Variants in PCCA observed in about 807,000 individuals in gnomAD.
The protein encoded by PCCA is propionyl-CoA carboxylase alpha chain, mitochondrial.
PCCA carries 74 observed loss-of-function variants against 101.3 expected under a neutral mutation model. The observed-to-expected ratio is 0.73, with a 90% CI of 0.61 to 0.89. The LOEUF is 0.89. Among genes scored for constraint, PCCA ranks in the 40% least tolerant of loss-of-function variants. The pLI is 0.00. For missense variants in PCCA, 891 were observed against 907.0 expected (o/e 0.98, Z 0.23); for synonymous variants, 294 against 313.6 (o/e 0.94, Z 0.66).
At chr13:100,336,402 A>G (rs113950119) in intron 17 of PCCA, among the ~76,000 whole-genome samples, 236 of 152,334 alleles carry the variant, frequency 1.5e-3, no homozygotes, top group African/African-American at 5.5e-3. Flanking sequence ...TGAAAACTGC[A>G]TCATGCCAAT....
At chr13:100,242,548 A>G (rs1237327118) in intron 8 of PCCA, among the ~76,000 whole-genome samples, 2 of 152,222 alleles carry the variant, frequency 1.3e-5, no homozygotes, top group Non-Finnish European at 2.9e-5. Flanking sequence ...ATTAGACCTT[A>G]TGGATATATA....
rs950626760 is a variant in PCCA at position 100,235,869 on chromosome 13, A to G, written c.628A>G (p.Arg210Gly). Residue 210 changes from arginine to glycine, a missense_variant, in exon 8 of 24, where the codon AGG (arginine) becomes GGG (glycine). Coordinates refer to ENST00000376285, the MANE Select transcript of PCCA (RefSeq NM_000282.4). Reference sequence around the variant, plus strand: ...TGCAGAAGAAGCTGTCAGAATTGCAAGGGAAATTGGTAAGTCCTTAAATTA... The same window carrying G: ...TGCAGAAGAAGCTGTCAGAATTGCAGGGGAAATTGGTAAGTCCTTAAATTA... ...KDAEEAVRIAREIGYPVMIKA... is the reference protein window; with the variant it reads ...KDAEEAVRIAGEIGYPVMIKA... The G allele has an allele frequency of 1.2e-6, 2 of 1,603,558 alleles. No individual in the cohort carries two copies. Among genetic ancestry groups the G allele is most frequent in the Non-Finnish European group, 1.7e-6 (2 of 1,170,402 alleles).
intron 13 of PCCA, among the ~76,000 whole-genome samples, chr13:100,302,245 T>C (rs1032075795): frequency 2.0e-5 from 3 of 152,200 alleles, no homozygotes; most frequent in Non-Finnish European, 4.4e-5. Context: ...ATTTTTACTT[T>C]TCGACATCAA....
chr13:100,134,047 CTT>C (rs143942351), intron 4 of PCCA, among the ~76,000 whole-genome samples: 2,926 of 152,262 alleles, frequency 0.019, 105 homozygotes, highest in African/African-American at 0.067. Flanking sequence ...CTCAGACTGG[CTT>C]CCCTGCTCTT....
chr13:100,473,170 C>A (rs2083149201), intron 21 of PCCA: 1 of 152,184 alleles, frequency 6.6e-6, no homozygotes, highest in Non-Finnish European at 1.5e-5. Context: ...ACGTGGTGTA[C>A]CTGTGCCGCG....
intron 10 of PCCA, among the ~76,000 whole-genome samples, chr13:100,266,919 A>C (rs572044334): frequency 6.6e-6 from 1 of 152,150 alleles, no homozygotes; most frequent in African/African-American, 2.4e-5. Context: ...TTTTTAAAAA[A>C]CTCATGATGC....
chr13:100,108,286 A>G (rs1291763527), intron 2 of PCCA, among the ~76,000 whole-genome samples: 2 of 152,192 alleles, frequency 1.3e-5, no homozygotes. Context: ...CTACTGCCAA[A>G]GTTCTTCATT....
At chr13:100,384,478 A>G (rs777550254) in intron 19 of PCCA, among the ~76,000 whole-genome samples, 1 of 152,270 alleles carries the variant, frequency 6.6e-6, no homozygotes, top group Non-Finnish European at 1.5e-5. Context: ...TCTGTAATGT[A>G]TCTTCATTAA....
intron 20 of PCCA, among the ~76,000 whole-genome samples, chr13:100,435,321 A>T (rs975046293): frequency 5.3e-5 from 8 of 152,198 alleles, no homozygotes; most frequent in Admixed American, 5.2e-4. Flanking sequence ...TAAACAACCA[A>T]GATCTACCTC....
chr13:100,470,726 C>G (rs1021233366), intron 21 of PCCA, among the ~76,000 whole-genome samples: 1 of 152,056 alleles, frequency 6.6e-6, no homozygotes, highest in Non-Finnish European at 1.5e-5. Context: ...TGGTGGCTTA[C>G]GCTTGTAGTC....
chr13:100,321,738 A>T (rs575487942), intron 16 of PCCA, among the ~76,000 whole-genome samples: 1 of 152,024 alleles, frequency 6.6e-6, no homozygotes, highest in African/African-American at 2.4e-5. Context: ...AGCTAAAGGA[A>T]TAGCATTAAT....
chr13:100,410,219 T>C (rs979520607), intron 19 of PCCA, among the ~76,000 whole-genome samples: 1 of 151,988 alleles, frequency 6.6e-6, no homozygotes, highest in Non-Finnish European at 1.5e-5. Flanking sequence ...GCCAGGGAAA[T>C]TTTTTTTGTT....
At chr13:100,340,335 A>G (rs2071110246) in intron 18 of PCCA, 76 bp downstream of exon 18, 16 of 813,364 alleles carry the variant, frequency 2.0e-5, no homozygotes, top group South Asian at 1.9e-4. Context: ...AAATACTAAT[A>G]AAAGATGTGG....
chr13:100,248,267 CTGT>C (rs1487332329), intron 8 of PCCA, among the ~76,000 whole-genome samples: 1 of 151,890 alleles, frequency 6.6e-6, no homozygotes, highest in Non-Finnish European at 1.5e-5. Context: ...TCTTTGGATT[CTGT>C]TTTCTTTCTT....
At chr13:100,526,598 C>T (rs2087843597) in intron 22 of PCCA, among the ~76,000 whole-genome samples, 1 of 152,242 alleles carries the variant, frequency 6.6e-6, no homozygotes, top group South Asian at 2.1e-4. Flanking sequence ...CGAATATGGC[C>T]ACAGTGGTGT....
intron 19 of PCCA, among the ~76,000 whole-genome samples, chr13:100,380,702 G>A (rs1445002068): frequency 6.6e-6 from 1 of 152,114 alleles, no homozygotes; most frequent in East Asian, 1.9e-4. Context: ...ATGGATTGAA[G>A]ACCTAAATAT....
intron 22 of PCCA, among the ~76,000 whole-genome samples, chr13:100,525,560 C>G (rs1029440923): frequency 1.3e-5 from 2 of 152,254 alleles, no homozygotes; most frequent in African/African-American, 4.8e-5. Flanking sequence ...TTGGGAAATC[C>G]CCAGGCCGCA....
intron 18 of PCCA, among the ~76,000 whole-genome samples, chr13:100,348,934 C>CCTTCCTTCCTTTCT (rs1566977784): frequency 7.1e-5 from 4 of 56,596 alleles, no homozygotes; most frequent in African/African-American, 2.0e-4. Flanking sequence ...CTTTTCTTTT[C>CCTTCCTTCCTTTCT]TTTCTTTTCT....
intron 12 of PCCA, among the ~76,000 whole-genome samples, chr13:100,289,839 A>G (rs192194773): frequency 1.1e-4 from 16 of 152,130 alleles, no homozygotes; most frequent in Non-Finnish European, 1.5e-4. Flanking sequence ...TTTAGCTCCC[A>G]TGTATACAGC....
Sources: allele counts gnomAD v4.1 joint callset (sites outside exome capture counted in the v4.1 genomes callset), GRCh38; gene constraint gnomAD v4.1.1; transcripts MANE v1.5; gene names NCBI Gene and HGNC (gene_info 2026-07-23, HGNC 2026-07-21).